Variants in NADK observed in about 807,000 individuals in gnomAD.
NADK encodes the protein NAD kinase.
A neutral mutation model predicts 49.8 loss-of-function variants in NADK; 22 were observed. The ratio of observed to expected loss-of-function variants is 0.44; its 90% CI spans 0.32 to 0.63. NADK has a LOEUF of 0.63. NADK is among the 30% of genes least tolerant of loss of function. NADK has a pLI of 0.06. For missense variants in NADK, 438 were observed against 609.4 expected (o/e 0.72, Z 2.96); for synonymous variants, 268 against 253.7 (o/e 1.06, Z -0.54).
intron 2 of NADK, among the ~76,000 whole-genome samples, chr1:1,764,757 C>T (rs1459439621): frequency 2.0e-5 from 3 of 152,136 alleles, no homozygotes; most frequent in African/African-American, 4.8e-5. Flanking sequence ...AAAAATTAGC[C>T]GGGCATGGTG....
intron 3 of NADK, chr1:1,759,709 C>T (rs1196509429): frequency 1.9e-6 from 3 of 1,549,030 alleles, no homozygotes; most frequent in East Asian, 4.9e-5. Context: ...GCTGCATGCC[C>T]CTCAAGGCTG....
intron 3 of NADK, 65 bp from the exon 4 acceptor site, chr1:1,757,375 C>A: frequency 7.2e-7 from 1 of 1,380,358 alleles, no homozygotes; most frequent in South Asian, 1.3e-5. Context: ...AGGTGTATGA[C>A]TTAGAAAATA....
At chr1:1,766,690 C>T (rs1372802112) in intron 1 of NADK, among the ~76,000 whole-genome samples, 10 of 143,358 alleles carry the variant, frequency 7.0e-5, no homozygotes, top group African/African-American at 1.0e-4. Flanking sequence ...TTTTCTTTTT[C>T]TTTTTTTTTT....
intron 3 of NADK, chr1:1,758,992 C>A: frequency 2.2e-6 from 3 of 1,351,018 alleles, no homozygotes; most frequent in South Asian, 1.6e-5. Flanking sequence ...TGCTTGGCTC[C>A]GGCCCAAGGG....
At chr1:1,757,137 A>G (rs1352105208) in intron 4 of NADK, 44 bp downstream of exon 4, 4 of 1,544,064 alleles carry the variant, frequency 2.6e-6, no homozygotes, top group African/African-American at 2.8e-5. Context: ...GGCCCCCCCA[A>G]CTCCATGTGC....
At chr1:1,757,502 G>A (rs571058341) in intron 3 of NADK, among the ~76,000 whole-genome samples, 192 bp from the exon 4 acceptor site, 3 of 151,746 alleles carry the variant, frequency 2.0e-5, no homozygotes, top group South Asian at 4.2e-4. Context: ...AGTAGGGTCC[G>A]GAGTGACCAC....
rs1184395192 is a variant in NADK, at chr1:1,759,592, A to G, written c.264-2282T>C. ...ACTATCAGGGAAGACGGAAGTTCAG[A>G]TGCATGGGAAGCCCTGCCCCTCCAC... On this transcript the variant is annotated intron_variant, in intron 3 of 11. Coordinates refer to ENST00000341426, the MANE Select transcript of NADK (RefSeq NM_023018.5). 4 of 1,018,552 alleles carry G rather than the reference A, an allele frequency of 3.9e-6. No individual in the cohort carries two copies. The East Asian group carries it at 7.9e-5, about 20-fold the overall frequency. The allele number at this position is 1,018,552 out of a possible 1,614,324, so 63.1% of individuals were successfully genotyped here. A position where few individuals can be genotyped will look rare whatever the true frequency, so the allele number is the denominator to read the frequency against.
chr1:1,759,356 A>T, intron 3 of NADK: 2 of 1,363,728 alleles, frequency 1.5e-6, no homozygotes, highest in Non-Finnish European at 1.9e-6. Flanking sequence ...TACTGCACGG[A>T]GAGGGCAGGG....
intron 1 of NADK, among the ~76,000 whole-genome samples, chr1:1,777,255 G>A (rs1172022552): frequency 6.6e-6 from 1 of 152,206 alleles, no homozygotes; most frequent in East Asian, 1.9e-4. Flanking sequence ...GAGCAAACAG[G>A]CCTTACAGAG....
chr1:1,766,635 C>T (rs1032107303), intron 1 of NADK, among the ~76,000 whole-genome samples: 1 of 151,436 alleles, frequency 6.6e-6, no homozygotes, highest in Non-Finnish European at 1.5e-5. Context: ...TATTAAGCCT[C>T]AAAGAAAACT....
Position 1,774,269 on chromosome 1 carries a change from T to C in NADK, c.-41+4020A>G, listed in dbSNP as rs143145080. 4.5e-4 allele frequency among the ~76,000 whole-genome samples: 68 copies of C among 151,988 alleles called. No individual in the cohort carries two copies. In the East Asian group the frequency reaches 0.01, roughly 23 times the overall value. ...TTTTGAGATGGAGCTTCGCTGATGTTGTCCAGGCTGGAGTGCAGTGGCGCG... is the reference window on the plus strand; with the variant it reads ...TTTTGAGATGGAGCTTCGCTGATGTCGTCCAGGCTGGAGTGCAGTGGCGCG... On this transcript the variant is annotated intron_variant, in intron 1 of 11. Transcript: ENST00000341426.
In NADK at chr1:1,752,010, A is replaced by G. The variant is rs377586121; in HGVS notation, c.*894T>C. ...GCAAATAAAAGGGATCACGATCACTAGCCCCGGAAACCCTCATCTCCCGGA... is the reference window on the plus strand; with the variant it reads ...GCAAATAAAAGGGATCACGATCACTGGCCCCGGAAACCCTCATCTCCCGGA... On this transcript the variant is annotated 3_prime_UTR_variant, in exon 12 of 12. Coordinates refer to ENST00000341426, the MANE Select transcript of NADK (RefSeq NM_023018.5). 7.3e-5 allele frequency: 11 copies of G among 150,434 alleles called. No individual in the cohort carries two copies. Among genetic ancestry groups the G allele is most frequent in the Admixed American group, 2.7e-4 (4 of 14,934 alleles). 9.3% of individuals were successfully genotyped at this position (150,434 alleles called of 1,614,324 possible). A position where few individuals can be genotyped will look rare whatever the true frequency, so the allele number is the denominator to read the frequency against.
At chr1:1,756,377 G>T in intron 5 of NADK, 34 bp from the exon 6 acceptor site, 1 of 1,608,494 alleles carries the variant, frequency 6.2e-7, no homozygotes, top group East Asian at 2.2e-5. Context: ...AGAAGAGGCT[G>T]TCACACAGTG....
intron 1 of NADK, among the ~76,000 whole-genome samples, chr1:1,767,546 G>T (rs1183289482): frequency 6.6e-6 from 1 of 152,150 alleles, no homozygotes; most frequent in Non-Finnish European, 1.5e-5. Context: ...CTCAACAGAG[G>T]CTAAACACAC....
chr1:1,773,441 A>C (rs1468198515), intron 1 of NADK, among the ~76,000 whole-genome samples: 1 of 148,320 alleles, frequency 6.7e-6, no homozygotes, highest in Non-Finnish European at 1.5e-5. Context: ...GCACCCAGCC[A>C]ATTATTTCAA....
intron 1 of NADK, among the ~76,000 whole-genome samples, chr1:1,775,281 C>T (rs1043387308): frequency 1.3e-5 from 2 of 152,028 alleles, no homozygotes; most frequent in Non-Finnish European, 2.9e-5. Context: ...CAAATACAAA[C>T]ATAATACACG....
At chr1:1,768,027 CG>C (rs1645936975) in intron 1 of NADK, among the ~76,000 whole-genome samples, 1 of 151,986 alleles carries the variant, frequency 6.6e-6, no homozygotes, top group Non-Finnish European at 1.5e-5. Context: ...AAAAATTAGC[CG>C]GGCGTGGTGG....
chr1:1,759,349 T>G (rs1275266722), intron 3 of NADK: 1 of 1,400,692 alleles, frequency 7.1e-7, no homozygotes, highest in East Asian at 2.5e-5. Flanking sequence ...CTGTGGGTAC[T>G]GCACGGAGAG....
At chr1:1,757,384 TAA>T (rs112660978) in intron 3 of NADK, 74 bp from the exon 4 acceptor site, 40 of 1,123,368 alleles carry the variant, frequency 3.6e-5, no homozygotes, top group Middle Eastern at 2.2e-4. Flanking sequence ...ACTTAGAAAA[TAA>T]AAAAAAAAAT....
Sources: gnomAD v4.1 joint callset for allele counts (sites outside exome capture counted in the v4.1 genomes callset) on GRCh38, gnomAD v4.1.1 for gene constraint, MANE v1.5 for transcripts, NCBI Gene and HGNC (gene_info 2026-07-23, HGNC 2026-07-21) for gene names.